Variants in CARM1 observed in about 807,000 individuals in gnomAD.
The protein encoded by CARM1 is histone-arginine methyltransferase CARM1.
In CARM1, 14 loss-of-function variants were observed where a neutral mutation model predicts 72.7. The observed-to-expected ratio is 0.19, with a 90% confidence interval of 0.13 to 0.30. The LOEUF is 0.30. CARM1 is among the 10% of genes least tolerant of loss of function. The pLI is 1.00. For missense variants in CARM1, 432 were observed against 833.7 expected, an observed-to-expected ratio of 0.52 and a Z score of 5.93; for synonymous variants, 333 against 345.5, an observed-to-expected ratio of 0.96 and a Z score of 0.40.
intron 1 of CARM1, among the ~76,000 whole-genome samples, chr19:10,889,241 C>G (rs1260292276): frequency 2.6e-5 from 4 of 152,182 alleles, no homozygotes; most frequent in African/African-American, 9.7e-5. Context: ...CCACAGACAC[C>G]TCTGTTCCGT....
intron 3 of CARM1, chr19:10,908,610 A>G: frequency 5.2e-6 from 1 of 192,540 alleles, no homozygotes; most frequent in Non-Finnish European, 1.1e-5. Flanking sequence ...AGCTATATGC[A>G]ACAGAGCCAA....
rs377501641 is a variant in CARM1, at chr19:10,921,809, C to T, written c.*52C>T. 3.7e-5 allele frequency: 56 copies of T among 1,518,618 alleles called. No homozygotes were observed. The East Asian group carries it at 8.4e-4, about 23-fold the overall frequency. The allele number at this position is 1,518,618 out of a possible 1,614,324, so 94.1% of individuals were successfully genotyped here. ...CAGGAAACCAAATGATGTCCCTGCC[C>T]GCCGCCCCCGCCGGGCGGCTTTCCC... is the stretch of plus-strand genomic sequence containing the variant. On this transcript the variant is annotated 3_prime_UTR_variant, in exon 16 of 16. Coordinates refer to ENST00000327064, the MANE Select transcript of CARM1 (RefSeq NM_199141.2).
chr19:10,872,616 A>G (rs897448764), intron 1 of CARM1, among the ~76,000 whole-genome samples: 1 of 151,974 alleles, frequency 6.6e-6, no homozygotes, highest in African/African-American at 2.4e-5. Context: ...GCCTCCTCCC[A>G]TCTTCTTTTG....
At chr19:10,905,220 G>A in intron 2 of CARM1, 144 bp downstream of exon 2, 1 of 996,474 alleles carries the variant, frequency 1.0e-6, no homozygotes, top group South Asian at 1.5e-5. Context: ...CCCACATGCA[G>A]GTATGCCCAG....
In CARM1 at chr19:10,920,126, GT is replaced by G. The variant is rs1568357435; in HGVS notation, c.1196+161del. On this transcript the variant is annotated intron_variant, in intron 10 of 15. Coordinates refer to ENST00000327064, the MANE Select transcript of CARM1 (RefSeq NM_199141.2). The surrounding 1 kb of genome is among the most constrained non-coding windows in gnomAD (Gnocchi z 5.3). ...AGCAAGAGACTGTTGTGGGTGGGGT[GT>G]GTGTGTGTGTGTGTGTATGTGTGTG... 9.2e-3 allele frequency among the ~76,000 whole-genome samples: 46 copies of G among 4,984 alleles called. No homozygotes were observed. The highest frequency in any genetic ancestry group is 0.058 in the Admixed American group (25 of 434). The allele number at this position is 4,984 out of a possible 152,430, so 3.3% of individuals were successfully genotyped here.
chr19:10,880,365 A>G (rs2073892501), intron 1 of CARM1, among the ~76,000 whole-genome samples: 1 of 151,576 alleles, frequency 6.6e-6, no homozygotes, highest in South Asian at 2.1e-4. Context: ...TCTTTTTTTG[A>G]GACAGGGTCT....
chr19:10,914,088 CGGT>C, intron 6 of CARM1, 34 bp downstream of exon 6: 7 of 1,571,588 alleles, frequency 4.5e-6, no homozygotes, highest in Non-Finnish European at 5.2e-6. Flanking sequence ...CCAGGCCCCT[CGGT>C]GGAGGCCCTG....
chr19:10,874,179 A>G (rs1185191279), intron 1 of CARM1, among the ~76,000 whole-genome samples: 1 of 151,926 alleles, frequency 6.6e-6, no homozygotes, highest in African/African-American at 2.4e-5. Flanking sequence ...CTGGTCTCCA[A>G]CTTCTGAGCT....
At chr19:10,914,599 A>C (rs2074180514) in intron 6 of CARM1, among the ~76,000 whole-genome samples, 2 of 152,128 alleles carry the variant, frequency 1.3e-5, no homozygotes, top group Admixed American at 1.3e-4. Flanking sequence ...CTTGTTGCCA[A>C]GGCTGGAGTG....
intron 1 of CARM1, among the ~76,000 whole-genome samples, chr19:10,893,094 T>G (rs754520400): frequency 6.6e-6 from 1 of 152,042 alleles, no homozygotes; most frequent in African/African-American, 2.4e-5. Context: ...TTTGCTCTTT[T>G]TGCCCAGGTT....
At position 10,871,986 on chromosome 19, in the gene CARM1, G is replaced by C; in HGVS notation, c.220+64G>C. ...TGCTCACGAGGCCGGCCCGGGGCGG[G>C]GGCCGGCGGGGAGGGGCCCTGAGCG... On this transcript the variant is annotated intron_variant, in intron 1 of 15. Coordinates refer to ENST00000327064, the MANE Select transcript of CARM1 (RefSeq NM_199141.2). This position sits in a 1 kb window ranked among gnomAD's most constrained non-coding sequence, Gnocchi z 5.6. 2 of 1,150,676 alleles carry C rather than the reference G, an allele frequency of 1.7e-6. No homozygotes were observed. Among genetic ancestry groups the C allele is most frequent in the Non-Finnish European group, 2.1e-6 (2 of 933,144 alleles). 71.3% of individuals were successfully genotyped at this position (1,150,676 alleles called of 1,614,324 possible).
chr19:10,919,519 G>A, intron 8 of CARM1, 76 bp from the exon 9 acceptor site: 1 of 1,065,756 alleles, frequency 9.4e-7, no homozygotes, highest in Non-Finnish European at 1.4e-6. Context: ...GGCAGACCTG[G>A]GGGAAGGGGC....
At chr19:10,876,532 C>G (rs2073866117) in intron 1 of CARM1, among the ~76,000 whole-genome samples, 1 of 152,234 alleles carries the variant, frequency 6.6e-6, no homozygotes, top group Admixed American at 6.5e-5. Flanking sequence ...AGCCCTGTTC[C>G]TTGACGTCTG....
At position 10,908,045 on chromosome 19, in the gene CARM1, G is replaced by C; in HGVS notation, c.353G>C (p.Cys118Ser). 1 of 1,613,184 alleles carries C rather than the reference G, an allele frequency of 6.2e-7. No homozygotes were observed. Residue 118 changes from cysteine (C) to serine (S), a missense_variant, in exon 3 of 16, where the codon TGT becomes TCT. Physicochemically the swap from Cys to Ser is moderately radical, Grantham distance 112 (BLOSUM62 -1). Coordinates refer to ENST00000327064, the MANE Select transcript of CARM1 (RefSeq NM_199141.2). ...CTTGGCTTCCCTGTTCCAGATTTCT[G>C]TTCCTTCTACAACATCCTGAAAACC... is the stretch of plus-strand genomic sequence containing the variant. ...LIQFATPNDF[C>S]SFYNILKTCR...
chr19:10,892,239 T>C (rs2073993600), intron 1 of CARM1, among the ~76,000 whole-genome samples: 1 of 152,250 alleles, frequency 6.6e-6, no homozygotes. Flanking sequence ...CAAGTAGAGC[T>C]TGTAGCATAC....
At position 10,920,421 on chromosome 19, in the gene CARM1, G is replaced by C; in HGVS notation, c.1197-15G>C. The C allele has an allele frequency of 1.2e-6, 2 of 1,605,226 alleles. No individual in the cohort carries two copies. Among genetic ancestry groups the C allele is most frequent in the South Asian group, 2.2e-5 (2 of 90,920 alleles). ...CGCCGGCCCAGTCAAGTATGTGCCT[G>C]TCCCTGCTCCACAGAATGACCGTGT... On this transcript the variant is annotated splice_polypyrimidine_tract_variant and intron_variant, in intron 10 of 15. Transcript: ENST00000327064. The surrounding 1 kb of genome is among the most constrained non-coding windows in gnomAD (Gnocchi z 5.3).
chr19:10,901,553 G>A (rs2074065924), intron 1 of CARM1, among the ~76,000 whole-genome samples: 1 of 151,904 alleles, frequency 6.6e-6, no homozygotes, highest in African/African-American at 2.4e-5. Flanking sequence ...TTGAACTCCT[G>A]GCCTCAAGTT....
chr19:10,895,778 G>T (rs2074019814), intron 1 of CARM1, among the ~76,000 whole-genome samples: 1 of 152,194 alleles, frequency 6.6e-6, no homozygotes, highest in South Asian at 2.1e-4. Context: ...GTCATGCCCA[G>T]AGCCCTGGAT....
At chr19:10,919,784 CG>C in intron 9 of CARM1, 92 bp from the exon 10 acceptor site, 2 of 1,495,996 alleles carry the variant, frequency 1.3e-6, no homozygotes, top group Non-Finnish European at 1.9e-6. Flanking sequence ...AGATGGTGGG[CG>C]GGGGCCCCAG....
Sources: allele counts gnomAD v4.1 joint callset (sites outside exome capture counted in the v4.1 genomes callset), GRCh38; gene constraint gnomAD v4.1.1; non-coding constraint Gnocchi (gnomAD v3.1); transcripts MANE v1.5; gene names NCBI Gene and HGNC (gene_info 2026-07-23, HGNC 2026-07-21).